Variants in ZNF148 observed in about 807,000 individuals in gnomAD.
The protein encoded by ZNF148 is Beta-Enolase Repressor Factor-1.
A neutral mutation model predicts 67.7 loss-of-function variants in ZNF148; 7 were observed. The ratio of observed to expected loss-of-function variants is 0.10; its 90% CI spans 0.06 to 0.19. The LOEUF (loss-of-function observed/expected upper bound fraction) is 0.19. ZNF148 is among the 10% of genes least tolerant of loss of function. ZNF148 has a pLI of 1.00. For missense variants in ZNF148, 583 were observed against 947.1 expected (o/e 0.62, Z 5.05); for synonymous variants, 333 against 330.7 (o/e 1.01, Z -0.08).
At chr3:125,284,351 G>C (rs1938546442) in intron 5 of ZNF148, among the ~76,000 whole-genome samples, 2 of 152,080 alleles carry the variant, frequency 1.3e-5, no homozygotes, top group Non-Finnish European at 1.5e-5. Context: ...GAGTATAACA[G>C]TCACCAAAAA....
At chr3:125,342,160 C>T (rs972992599) in intron 1 of ZNF148, among the ~76,000 whole-genome samples, 2 of 151,242 alleles carry the variant, frequency 1.3e-5, no homozygotes, top group Non-Finnish European at 2.9e-5. Flanking sequence ...TTCACACCAT[C>T]AAAGTTTCAT....
intron 7 of ZNF148, among the ~76,000 whole-genome samples, chr3:125,269,366 G>A (rs768077861): frequency 2.0e-5 from 3 of 148,900 alleles, no homozygotes; most frequent in Non-Finnish European, 3.0e-5. Flanking sequence ...AAGTGACATA[G>A]CAACATCATC....
Position 125,233,847 on chromosome 3 carries a change from G to A in ZNF148, c.879C>T (p.Gly293=), listed in dbSNP as rs758572056. 6.2e-7 allele frequency: 1 copy of A among 1,613,478 alleles called. No individual in the cohort carries two copies. The highest frequency in any genetic ancestry group is 8.5e-7 in the Non-Finnish European group (1 of 1,179,830). The change falls in exon 9 of 9, where the codon GGC becomes GGT. Residue 293 remains glycine (G), a synonymous_variant. Coordinates refer to ENST00000360647, the MANE Select transcript of ZNF148 (RefSeq NM_021964.3). This position sits in a 1 kb window ranked among gnomAD's most constrained non-coding sequence, Gnocchi z 5.1. The part of the protein sequence containing the change: ...KKLNRCAIKG[G]LLTSEEDSGF... ...CAGAATCTTCCTCAGATGTCAGAAG[G>A]CCACCTTTGATGGCACATCTATTTA...
rs988413600 is a variant in ZNF148 at position 125,226,130 on chromosome 3, G to A, written c.*6211C>T. Reference sequence around the variant, plus strand: ...ATTTTCTTCGCTCTATGATAAACACGTTTCAAGTCTAAAATATTCAATGAC... The same window carrying A: ...ATTTTCTTCGCTCTATGATAAACACATTTCAAGTCTAAAATATTCAATGAC... On this transcript the variant is annotated 3_prime_UTR_variant, in exon 9 of 9. Coordinates refer to ENST00000360647, the MANE Select transcript of ZNF148 (RefSeq NM_021964.3). 2 of 152,556 alleles carry A rather than the reference G, an allele frequency of 1.3e-5. No individual in the cohort carries two copies. The highest frequency in any genetic ancestry group is 2.9e-5 in the Non-Finnish European group (2 of 68,000). The allele number at this position is 152,556 out of a possible 1,614,324, so 9.5% of individuals were successfully genotyped here. A position where few individuals can be genotyped will look rare whatever the true frequency, so the allele number is the denominator to read the frequency against.
At chr3:125,296,325 G>C (rs1939283619) in intron 4 of ZNF148, among the ~76,000 whole-genome samples, 1 of 152,132 alleles carries the variant, frequency 6.6e-6, no homozygotes, top group South Asian at 2.1e-4. Flanking sequence ...GGTTGGCCAT[G>C]TTGGCCAAGC....
At chr3:125,240,932 T>G (rs907832487) in intron 7 of ZNF148, among the ~76,000 whole-genome samples, 6 of 152,176 alleles carry the variant, frequency 3.9e-5, no homozygotes, top group African/African-American at 1.4e-4. Flanking sequence ...CAAACATAAA[T>G]TCACCTTCCA....
At chr3:125,276,526 C>T (rs988631195) in intron 7 of ZNF148, among the ~76,000 whole-genome samples, 1 of 152,040 alleles carries the variant, frequency 6.6e-6, no homozygotes, top group Non-Finnish European at 1.5e-5. Flanking sequence ...CTCCGCCTCC[C>T]GGGTTCAAGC....
intron 3 of ZNF148, among the ~76,000 whole-genome samples, 152 bp from the exon 4 acceptor site, chr3:125,313,808 A>G (rs1275735989): frequency 3.9e-5 from 6 of 152,164 alleles, no homozygotes; most frequent in African/African-American, 1.2e-4. Context: ...TATAATACCA[A>G]TATCGGTTTC....
At chr3:125,368,469 A>G (rs141302310) in intron 1 of ZNF148, among the ~76,000 whole-genome samples, 70 of 152,344 alleles carry the variant, frequency 4.6e-4, no homozygotes, top group African/African-American at 1.7e-3. Flanking sequence ...ATCAGCTAAT[A>G]AGTCAACCAA....
chr3:125,373,624 G>A (rs1344991328), intron 1 of ZNF148, among the ~76,000 whole-genome samples: 5 of 152,016 alleles, frequency 3.3e-5, no homozygotes, highest in Non-Finnish European at 7.4e-5. Flanking sequence ...TGACCTCCTT[G>A]CAACCTAAAA....
chr3:125,254,727 A>G (rs1330874192), intron 7 of ZNF148, among the ~76,000 whole-genome samples: 1 of 151,754 alleles, frequency 6.6e-6, no homozygotes, highest in East Asian at 1.9e-4. Flanking sequence ...GTTCTGCCTT[A>G]CTAATCCTTA....
intron 1 of ZNF148, among the ~76,000 whole-genome samples, chr3:125,368,638 T>C (rs998115903): frequency 2.0e-5 from 3 of 152,230 alleles, no homozygotes; most frequent in Non-Finnish European, 4.4e-5. Flanking sequence ...GATTATACCA[T>C]GTATTATTTA....
At chr3:125,361,040 AAATAAT>A (rs986924609) in intron 1 of ZNF148, among the ~76,000 whole-genome samples, 1 of 151,818 alleles carries the variant, frequency 6.6e-6, no homozygotes, top group Non-Finnish European at 1.5e-5. Context: ...AAAAATTAAA[AAATAAT>A]AATAATAAGA....
At chr3:125,268,351 C>T (rs548132785) in intron 7 of ZNF148, among the ~76,000 whole-genome samples, 117 of 149,668 alleles carry the variant, frequency 7.8e-4, no homozygotes, top group Admixed American at 1.5e-3. Context: ...GGTACTGGTA[C>T]AAAAATAGAT....
In ZNF148 at chr3:125,335,037, C is replaced by A. The variant is rs1941434145; in HGVS notation, c.-233-3799G>T. 2.6e-5 allele frequency among the ~76,000 whole-genome samples: 4 copies of A among 152,014 alleles called. No individual in the cohort carries two copies. In the South Asian group the frequency reaches 8.3e-4, roughly 32 times the overall value. On this transcript the variant is annotated intron_variant, in intron 1 of 8. Coordinates refer to ENST00000360647, the MANE Select transcript of ZNF148 (RefSeq NM_021964.3). ...TTGTTAATGAGGCCTCTTCCAGTCACACCATTTGAAATTGCAACATCCCAC... is the reference window on the plus strand; with the variant it reads ...TTGTTAATGAGGCCTCTTCCAGTCAAACCATTTGAAATTGCAACATCCCAC...
chr3:125,374,370 A>G (rs965812138), intron 1 of ZNF148, among the ~76,000 whole-genome samples: 2 of 152,020 alleles, frequency 1.3e-5, no homozygotes, highest in African/African-American at 4.8e-5. Flanking sequence ...CATCTTCTCT[A>G]CTATTTAGCA....
At chr3:125,333,841 C>T (rs914847852) in intron 1 of ZNF148, among the ~76,000 whole-genome samples, 3 of 152,176 alleles carry the variant, frequency 2.0e-5, no homozygotes, top group African/African-American at 7.2e-5. Context: ...TATAGCTAAA[C>T]GCCTATGCCT....
At chr3:125,328,389 A>G (rs1941122095) in intron 2 of ZNF148, among the ~76,000 whole-genome samples, 1 of 152,202 alleles carries the variant, frequency 6.6e-6, no homozygotes, top group Non-Finnish European at 1.5e-5. Context: ...TGTCTAATAA[A>G]TGACAAGAGG....
intron 7 of ZNF148, among the ~76,000 whole-genome samples, 180 bp downstream of exon 7, chr3:125,277,546 G>A (rs1388797295): frequency 2.0e-5 from 3 of 152,178 alleles, no homozygotes; most frequent in Admixed American, 2.0e-4. Flanking sequence ...TCTTGGGCTT[G>A]GACATTAAAG....
Sources: gnomAD v4.1 joint callset for allele counts (sites outside exome capture counted in the v4.1 genomes callset) on GRCh38, gnomAD v4.1.1 for gene constraint, Gnocchi (gnomAD v3.1) non-coding constraint, MANE v1.5 for transcripts, NCBI Gene and HGNC (gene_info 2026-07-23, HGNC 2026-07-21) for gene names.